The following FAM227B variants were observed in gnomAD, a reference collection of about 807,000 sequenced individuals.
The protein encoded by FAM227B is protein FAM227B.
FAM227B carries 88 observed loss-of-function variants against 73.8 expected under a neutral mutation model. That is an observed-to-expected ratio of 1.19 (90% CI 1.00 to 1.42). The LOEUF is 1.42. Among genes scored for constraint, FAM227B ranks in the 40% most tolerant of loss-of-function variants. The pLI, the probability that FAM227B is intolerant of heterozygous loss-of-function variation, is 0.00. For missense variants in FAM227B, 632 were observed against 590.9 expected (o/e 1.07, Z -0.72); for synonymous variants, 210 against 190.5 (o/e 1.10, Z -0.84).
chr15:49,595,756 C>T (rs2076851508), intron 3 of FAM227B, among the ~76,000 whole-genome samples: 1 of 148,958 alleles, frequency 6.7e-6, no homozygotes, highest in African/African-American at 2.5e-5. Context: ...CAGAGAAATA[C>T]ATATCATAAA....
intron 11 of FAM227B, among the ~76,000 whole-genome samples, chr15:49,376,317 G>A (rs557882338): frequency 4.6e-5 from 7 of 152,090 alleles, no homozygotes; most frequent in African/African-American, 1.4e-4. Flanking sequence ...TGAGGTACAA[G>A]TCCAACTTTA....
At chr15:49,590,274 C>G (rs1028788767) in intron 3 of FAM227B, among the ~76,000 whole-genome samples, 22 of 152,180 alleles carry the variant, frequency 1.4e-4, no homozygotes, top group African/African-American at 4.1e-4. Flanking sequence ...AAACCAAAAA[C>G]ATTCTCCTAC....
At chr15:49,350,950 C>G (rs1046467755) in intron 13 of FAM227B, among the ~76,000 whole-genome samples, 3 of 152,292 alleles carry the variant, frequency 2.0e-5, no homozygotes, top group African/African-American at 7.2e-5. Flanking sequence ...CCCTTAAAAG[C>G]ACGTTGTTAA....
At chr15:49,397,369 TG>T (rs1315870465) in intron 11 of FAM227B, among the ~76,000 whole-genome samples, 1 of 152,172 alleles carries the variant, frequency 6.6e-6, no homozygotes, top group African/African-American at 2.4e-5. Context: ...AATCTACGTC[TG>T]ACTGGTGTAC....
chr15:49,492,373 T>C (rs902122553), intron 11 of FAM227B, among the ~76,000 whole-genome samples: 38 of 151,972 alleles, frequency 2.5e-4, no homozygotes, highest in African/African-American at 8.7e-4. Context: ...GAATGAATCA[T>C]GTAACATTTT....
At chr15:49,384,527 AG>A (rs1238181722) in intron 11 of FAM227B, among the ~76,000 whole-genome samples, 2 of 152,038 alleles carry the variant, frequency 1.3e-5, no homozygotes, top group African/African-American at 4.8e-5. Flanking sequence ...GAAGTGCCAC[AG>A]GAACACAGCG....
chr15:49,617,887 A>G (rs2078398373), intron 1 of FAM227B, among the ~76,000 whole-genome samples: 1 of 152,148 alleles, frequency 6.6e-6, no homozygotes, highest in Admixed American at 6.5e-5. Flanking sequence ...GGCTTAATAC[A>G]CATAATTTTT....
intron 13 of FAM227B, chr15:49,365,041 T>C (rs554263611): frequency 1.3e-5 from 7 of 533,406 alleles, no homozygotes; most frequent in South Asian, 7.6e-5. Flanking sequence ...GACTTTCAGA[T>C]TGTCAATTCA....
intron 11 of FAM227B, among the ~76,000 whole-genome samples, chr15:49,414,927 T>C (rs1015327032): frequency 2.0e-5 from 3 of 152,194 alleles, no homozygotes; most frequent in African/African-American, 7.2e-5. Context: ...TCCTTTCTCA[T>C]GCATAAGTTA....
intron 11 of FAM227B, among the ~76,000 whole-genome samples, chr15:49,431,375 C>T (rs565850408): frequency 6.6e-6 from 1 of 151,834 alleles, no homozygotes; most frequent in South Asian, 2.1e-4. Context: ...AATTCACTAA[C>T]AAAAATGTCA....
intron 9 of FAM227B, among the ~76,000 whole-genome samples, chr15:49,553,576 G>GA (rs947971918): frequency 3.3e-5 from 5 of 151,960 alleles, no homozygotes; most frequent in Non-Finnish European, 7.4e-5. Flanking sequence ...AGAGACTAAA[G>GA]AAAAAAAACC....
chr15:49,527,675 G>A (rs1413437756), intron 10 of FAM227B, among the ~76,000 whole-genome samples: 4 of 151,812 alleles, frequency 2.6e-5, no homozygotes, highest in Admixed American at 1.3e-4. Context: ...ATAAAACAGT[G>A]TACAGAAATC....
intron 11 of FAM227B, among the ~76,000 whole-genome samples, chr15:49,455,262 C>A (rs1005912326): frequency 6.6e-6 from 1 of 152,046 alleles, no homozygotes; most frequent in Non-Finnish European, 1.5e-5. Flanking sequence ...GTTAACAAAG[C>A]GGCCATGGTA....
At chr15:49,574,704 A>C (rs571138851) in intron 8 of FAM227B, 1 of 168,406 alleles carries the variant, frequency 5.9e-6, no homozygotes, top group South Asian at 1.8e-4. Context: ...TCACCTTTCT[A>C]ATTCTGGATC....
rs138286727 is a variant in FAM227B at position 49,553,374 on chromosome 15, C to T, written c.748-11568G>A. On this transcript the variant is annotated intron_variant, in intron 9 of 15. Coordinates refer to ENST00000299338, the MANE Select transcript of FAM227B (RefSeq NM_152647.3). ...ACCATTATGACTGCTTTGGGTAAGA[C>T]GTGAAGCCAGAACAATGCTGGGTCT... 5.3e-5 allele frequency among the ~76,000 whole-genome samples: 8 copies of T among 152,286 alleles called. No individual in the cohort carries two copies. In the East Asian group the frequency reaches 5.8e-4, roughly 11 times the overall value.
chr15:49,374,741 A>C (rs1220924537), intron 11 of FAM227B, among the ~76,000 whole-genome samples: 1 of 152,114 alleles, frequency 6.6e-6, no homozygotes, highest in African/African-American at 2.4e-5. Flanking sequence ...ACTGGGTTTG[A>C]CCATGTTGGT....
chr15:49,388,480 C>A (rs946624968), intron 11 of FAM227B, among the ~76,000 whole-genome samples: 5 of 152,002 alleles, frequency 3.3e-5, no homozygotes, highest in Non-Finnish European at 5.9e-5. Flanking sequence ...ATACAAAAAT[C>A]AACTCAAGAT....
chr15:49,492,909 C>G (rs1024298825), intron 11 of FAM227B, among the ~76,000 whole-genome samples: 6 of 151,902 alleles, frequency 3.9e-5, no homozygotes, highest in African/African-American at 1.4e-4. Context: ...CATAAATGAT[C>G]AAACCTGGCA....
chr15:49,544,867 G>A (rs559493473), intron 9 of FAM227B, among the ~76,000 whole-genome samples: 127 of 152,248 alleles, frequency 8.3e-4, no homozygotes, highest in African/African-American at 2.8e-3. Context: ...CTTGATCGTG[G>A]TGTATGATAT....
Sources: allele counts gnomAD v4.1 joint callset (sites outside exome capture counted in the v4.1 genomes callset), GRCh38; gene constraint gnomAD v4.1.1; transcripts MANE v1.5; gene names NCBI Gene and HGNC (gene_info 2026-07-23, HGNC 2026-07-21).